P4HA2: variants seen among roughly 807,000 people sequenced by gnomAD.
P4HA2 encodes the protein prolyl 4-hydroxylase subunit alpha-2.
Under a neutral mutation model 76.9 loss-of-function variants are expected in P4HA2, and 46 were observed. That is an observed-to-expected ratio of 0.60 (90% CI 0.47 to 0.76). The LOEUF (loss-of-function observed/expected upper bound fraction) is 0.76. Among genes scored for constraint, P4HA2 ranks in the 30% least tolerant of loss-of-function variants. The pLI, the probability that P4HA2 is intolerant of heterozygous loss-of-function variation, is 0.00. For synonymous variants in P4HA2, 243 were observed against 254.0 expected (o/e 0.96, Z 0.41); for missense variants, 583 against 669.4 (o/e 0.87, Z 1.42).
At chr5:132,205,672 A>G (rs1044145873) in intron 8 of P4HA2, among the ~76,000 whole-genome samples, 2 of 152,152 alleles carry the variant, frequency 1.3e-5, no homozygotes, top group African/African-American at 4.8e-5. Context: ...AGATGGACCA[A>G]CTTGGACACT....
intron 10 of P4HA2, chr5:132,200,499 A>G (rs1201282125): frequency 6.4e-6 from 1 of 155,972 alleles, no homozygotes; most frequent in Non-Finnish European, 1.5e-5. Flanking sequence ...CTGAGAAAGC[A>G]TATCTCTTTT....
At chr5:132,210,040 G>T (rs1373030828) in intron 6 of P4HA2, among the ~76,000 whole-genome samples, 2 of 152,154 alleles carry the variant, frequency 1.3e-5, no homozygotes, top group Non-Finnish European at 2.9e-5. Flanking sequence ...TATTAAAAAG[G>T]CCCACAAGTG....
At chr5:132,205,542 G>A (rs1343899522) in intron 8 of P4HA2, among the ~76,000 whole-genome samples, 1 of 152,212 alleles carries the variant, frequency 6.6e-6, no homozygotes, top group Non-Finnish European at 1.5e-5. Context: ...GCCAGAGTGG[G>A]GACTGGGAGG....
intron 13 of P4HA2, 134 bp downstream of exon 13, chr5:132,195,278 C>T: frequency 1.4e-6 from 1 of 725,782 alleles, no homozygotes; most frequent in Non-Finnish European, 2.4e-6. Context: ...AGCTGGGCTA[C>T]CAGGTCAGAC....
At position 132,213,052 on chromosome 5, in the gene P4HA2, T is replaced by C. The variant is rs77153571; in HGVS notation, c.469+864A>G. Among the ~76,000 whole-genome samples, 545 of 151,986 alleles carry C rather than the reference T, an allele frequency of 3.6e-3. 3 individuals are homozygous for C. The highest frequency in any genetic ancestry group is 5.5e-3 in the Non-Finnish European group (375 of 67,972). On this transcript the variant is annotated intron_variant, in intron 5 of 14. Coordinates refer to ENST00000360568, the MANE Select transcript of P4HA2 (RefSeq NM_001017974.2). ...AACATCTTCTTATAAACACTAACAC[T>C]GGGAAGTCAGTGGGAGAGGGGCCAC...
intron 12 of P4HA2, among the ~76,000 whole-genome samples, chr5:132,197,608 CAAAAAAA>C (rs555319735): frequency 1.8e-5 from 1 of 55,192 alleles, no homozygotes; most frequent in African/African-American, 6.8e-5. Context: ...ACTCCATCTC[CAAAAAAA>C]AAAAAAAAAA....
rs59404200 is a variant in P4HA2 at position 132,213,608 on chromosome 5, A to C, written c.469+308T>G. The stretch of plus-strand genomic sequence containing the variant: ...AAGACATTGGAGGGTGGGAGACAAG[A>C]AGCAGGTCTGAATGCAGATCTGTGT... On this transcript the variant is annotated intron_variant, in intron 5 of 14. Transcript: ENST00000360568. Among the ~76,000 whole-genome samples the C allele has an allele frequency of 4.1e-3, 624 of 152,292 alleles. 5 individuals carry two copies. Among genetic ancestry groups the C allele is most frequent in the African/African-American group, 0.014 (587 of 41,542 alleles).
At chr5:132,222,329 T>A (rs1317112316) in intron 1 of P4HA2, among the ~76,000 whole-genome samples, 5 of 152,138 alleles carry the variant, frequency 3.3e-5, no homozygotes, top group Admixed American at 3.3e-4. Context: ...CCAAAGCACA[T>A]GGATGTCCAT....
intron 10 of P4HA2, chr5:132,200,402 G>T: frequency 6.2e-6 from 1 of 161,106 alleles, no homozygotes; most frequent in East Asian, 1.9e-4. Context: ...AAAATACCTG[G>T]AAATCCTGTC....
intron 5 of P4HA2, among the ~76,000 whole-genome samples, chr5:132,211,525 G>C (rs1270768806): frequency 6.6e-6 from 1 of 152,230 alleles, no homozygotes; most frequent in Non-Finnish European, 1.5e-5. Context: ...TCAGAGACCA[G>C]GGTCTGCTAA....
At chr5:132,211,979 G>C (rs1322207309) in intron 5 of P4HA2, among the ~76,000 whole-genome samples, 1 of 152,182 alleles carries the variant, frequency 6.6e-6, no homozygotes, top group Non-Finnish European at 1.5e-5. Context: ...TGCTAAGAAT[G>C]GCTCCCTGGC....
intron 10 of P4HA2, chr5:132,203,488 AC>A: frequency 2.1e-6 from 1 of 478,328 alleles, no homozygotes; most frequent in Non-Finnish European, 3.8e-6. Context: ...GAACGAACCT[AC>A]CATAACTACC....
intron 1 of P4HA2, among the ~76,000 whole-genome samples, chr5:132,221,569 C>T (rs1202974574): frequency 6.6e-6 from 1 of 152,098 alleles, no homozygotes; most frequent in Non-Finnish European, 1.5e-5. Context: ...ATAATATGCA[C>T]TCTATAATTC....
At chr5:132,199,939 G>C (rs999245880) in intron 10 of P4HA2, 1 of 152,262 alleles carries the variant, frequency 6.6e-6, no homozygotes, top group Non-Finnish European at 1.5e-5. Context: ...GTTGGCTCAC[G>C]CCTGTAATCC....
chr5:132,214,542 A>G (rs545612071), intron 4 of P4HA2, among the ~76,000 whole-genome samples: 139 of 152,320 alleles, frequency 9.1e-4, no homozygotes, highest in African/African-American at 2.8e-3. Context: ...GAGGAGTCCA[A>G]GGGACAATGA....
At chr5:132,194,412 C>T (rs1750296478) in intron 14 of P4HA2, among the ~76,000 whole-genome samples, 1 of 152,162 alleles carries the variant, frequency 6.6e-6, no homozygotes, top group Admixed American at 6.5e-5. Context: ...AGGCTCACCA[C>T]AACTGCTCCC....
intron 5 of P4HA2, among the ~76,000 whole-genome samples, chr5:132,213,665 C>T (rs543830250): frequency 1.5e-4 from 23 of 152,286 alleles, no homozygotes; most frequent in African/African-American, 4.8e-4. Flanking sequence ...GAGGGGGTTC[C>T]TGAGCAGCAA....
chr5:132,192,921 C>G lies in P4HA2; in HGVS notation c.*89G>C. Reference sequence around the variant, plus strand: ...AACATTCATTTCTCCAAAAATCAGCCTGATAGGAACATACAAAGGAACATA... The same window carrying G: ...AACATTCATTTCTCCAAAAATCAGCGTGATAGGAACATACAAAGGAACATA... On this transcript the variant is annotated 3_prime_UTR_variant, in exon 15 of 15. Coordinates refer to ENST00000360568, the MANE Select transcript of P4HA2 (RefSeq NM_001017974.2). The G allele has an allele frequency of 1.2e-6, 1 of 862,826 alleles. No homozygotes were observed. The highest frequency in any genetic ancestry group is 2.0e-6 in the Non-Finnish European group (1 of 502,230). 53.4% of individuals were successfully genotyped at this position (862,826 alleles called of 1,614,324 possible). A position where few individuals can be genotyped will look rare whatever the true frequency, so the allele number is the denominator to read the frequency against.
chr5:132,212,691 A>C (rs939645009), intron 5 of P4HA2, among the ~76,000 whole-genome samples: 2 of 152,176 alleles, frequency 1.3e-5, no homozygotes, highest in Non-Finnish European at 2.9e-5. Context: ...ACCTCAGGTG[A>C]TGGAAATGGC....
Sources: allele counts gnomAD v4.1 joint callset (sites outside exome capture counted in the v4.1 genomes callset), GRCh38; gene constraint gnomAD v4.1.1; transcripts MANE v1.5; gene names NCBI Gene and HGNC (gene_info 2026-07-23, HGNC 2026-07-21).